RXFP2: variants seen among roughly 807,000 people sequenced by gnomAD.
RXFP2 encodes relaxin receptor 2.
Under a neutral mutation model 88.6 loss-of-function variants are expected in RXFP2, and 68 were observed. That is an observed-to-expected ratio of 0.77 (90% CI 0.63 to 0.94). The LOEUF (loss-of-function observed/expected upper bound fraction) is 0.94, where lower values mean the gene tolerates loss of function less well. RXFP2 is among the 40% of genes least tolerant of loss of function. The pLI, the probability that RXFP2 is intolerant of heterozygous loss-of-function variation, is 0.00. For synonymous variants in RXFP2, 329 were observed against 306.8 expected (o/e 1.07, Z -0.76); for missense variants, 791 against 893.9 (o/e 0.88, Z 1.47).
At chr13:31,776,088 CTTT>C (rs1458935554) in intron 7 of RXFP2, among the ~76,000 whole-genome samples, 37 of 76,092 alleles carry the variant, frequency 4.9e-4, no homozygotes, top group African/African-American at 1.7e-3. Context: ...TTCCTTCCTT[CTTT>C]CTTTCTTTTC....
intron 1 of RXFP2, among the ~76,000 whole-genome samples, chr13:31,743,090 T>C (rs1299981046): frequency 1.3e-5 from 2 of 152,338 alleles, no homozygotes; most frequent in East Asian, 3.9e-4. Context: ...GTCAATGTTG[T>C]TATCAGAAAA....
intron 6 of RXFP2, 66 bp downstream of exon 6, chr13:31,774,757 C>CT (rs1566227085): frequency 2.3e-6 from 2 of 886,242 alleles, no homozygotes; most frequent in Admixed American, 1.7e-5. Flanking sequence ...TAGAATGGTA[C>CT]TTTTTCAAGG....
intron 9 of RXFP2, among the ~76,000 whole-genome samples, chr13:31,781,125 A>T (rs971373682): frequency 6.6e-6 from 1 of 152,186 alleles, no homozygotes; most frequent in African/African-American, 2.4e-5. Flanking sequence ...AGACAAGAAC[A>T]TCTACCTGAT....
chr13:31,775,948 G>A (rs772744394), intron 7 of RXFP2, among the ~76,000 whole-genome samples: 1 of 152,184 alleles, frequency 6.6e-6, no homozygotes, highest in Non-Finnish European at 1.5e-5. Context: ...AGGTTGGCCT[G>A]GTCTAGTGGA....
chr13:31,785,891 A>G (rs1011798859), intron 11 of RXFP2, among the ~76,000 whole-genome samples: 14 of 152,224 alleles, frequency 9.2e-5, no homozygotes, highest in South Asian at 2.1e-4. Context: ...GTAGAAGAAC[A>G]TATTAAAAGC....
At chr13:31,792,526 T>C in intron 15 of RXFP2, 152 bp from the exon 16 acceptor site, 1 of 715,098 alleles carries the variant, frequency 1.4e-6, no homozygotes, top group Non-Finnish European at 2.4e-6. Flanking sequence ...ACTCGCTTCT[T>C]GGTACTCAGA....
At chr13:31,747,074 A>G (rs1871456988) in intron 1 of RXFP2, among the ~76,000 whole-genome samples, 1 of 152,204 alleles carries the variant, frequency 6.6e-6, no homozygotes, top group African/African-American at 2.4e-5. Flanking sequence ...TTACTGTAAT[A>G]ACTAAAGTTA....
Position 31,792,708 on chromosome 13 carries a change from T to C in RXFP2, c.1406T>C (p.Phe469Ser). The C allele has an allele frequency of 6.2e-7, 1 of 1,614,170 alleles. No homozygotes were observed. The highest frequency in any genetic ancestry group is 8.5e-7 in the Non-Finnish European group (1 of 1,180,020). Reference protein sequence around the residue: ...CADCLMGVYLFFVGIFDIKYR... With the variant: ...CADCLMGVYLSFVGIFDIKYR... Reference sequence around the variant, plus strand: ...GATTGCCTGATGGGTGTTTACTTGTTCTTTGTTGGCATTTTCGATATAAAA... The same window carrying C: ...GATTGCCTGATGGGTGTTTACTTGTCCTTTGTTGGCATTTTCGATATAAAA... Residue 469 changes from phenylalanine to serine, a missense_variant, in exon 16 of 18, where the codon TTC becomes TCC. Physicochemically the swap from Phe to Ser is radical, Grantham distance 155. Coordinates refer to ENST00000298386, the MANE Select transcript of RXFP2 (RefSeq NM_130806.5).
In RXFP2 at chr13:31,739,696, C is replaced by A; in HGVS notation, c.84C>A (p.Ile28=). Residue 28 remains isoleucine, a synonymous_variant, in exon 1 of 18, where the codon ATC becomes ATA. Coordinates refer to ENST00000298386, the MANE Select transcript of RXFP2 (RefSeq NM_130806.5). ...TTCTACTTCATTTCATCGTTCTGAT[C>A]AATGTCAAAGGTAAGGTTGCTACTT... ...MFFLLHFIVL[I]NVKDFALTQG... is the part of the protein sequence containing the mutation. The A allele has an allele frequency of 6.3e-7, 1 of 1,597,644 alleles. No homozygotes were observed. The highest frequency in any genetic ancestry group is 1.1e-5 in the South Asian group (1 of 90,686).
chr13:31,758,551 C>T, intron 2 of RXFP2, 147 bp downstream of exon 2: 1 of 885,606 alleles, frequency 1.1e-6, no homozygotes, highest in Non-Finnish European at 1.8e-6. Context: ...AATGACTCCC[C>T]AATGTATTTG....
intron 3 of RXFP2, among the ~76,000 whole-genome samples, chr13:31,764,090 A>T (rs1322493225): frequency 6.6e-6 from 1 of 152,190 alleles, no homozygotes; most frequent in East Asian, 1.9e-4. Flanking sequence ...ATTAAAATAA[A>T]TAACAAAATA....
intron 1 of RXFP2, among the ~76,000 whole-genome samples, chr13:31,743,425 G>A (rs1871288900): frequency 2.0e-5 from 3 of 151,466 alleles, no homozygotes; most frequent in African/African-American, 7.3e-5. Flanking sequence ...CCGAGACTGC[G>A]CCACTGTACT....
chr13:31,780,445 T>C (rs1873212595), intron 9 of RXFP2, among the ~76,000 whole-genome samples: 1 of 152,190 alleles, frequency 6.6e-6, no homozygotes, highest in Non-Finnish European at 1.5e-5. Flanking sequence ...TAGGAGAGTA[T>C]GGTGTTTGTT....
rs1346888051 is a variant in RXFP2 at position 31,778,378 on chromosome 13, T to C, written c.714-134T>C. The C allele has an allele frequency of 4.6e-6, 3 of 656,928 alleles. No homozygotes were observed. In the East Asian group the frequency reaches 8.3e-5, roughly 18 times the overall value. 40.7% of individuals were successfully genotyped at this position (656,928 alleles called of 1,614,324 possible). A position where few individuals can be genotyped will look rare whatever the true frequency, so the allele number is the denominator to read the frequency against. On this transcript the variant is annotated intron_variant, in intron 8 of 17. Coordinates refer to ENST00000298386, the MANE Select transcript of RXFP2 (RefSeq NM_130806.5). ...CATACACATGTTTTAAAGACCATTT[T>C]GAAATAGCTATATATGTTATCATCA... is the stretch of plus-strand genomic sequence containing the variant.
chr13:31,793,496 A>G (rs1873890809), intron 16 of RXFP2, among the ~76,000 whole-genome samples: 1 of 151,938 alleles, frequency 6.6e-6, no homozygotes, highest in African/African-American at 2.4e-5. Context: ...GGAAACTGAC[A>G]AGTAAGAGAT....
intron 1 of RXFP2, among the ~76,000 whole-genome samples, chr13:31,750,038 G>C (rs1464591407): frequency 1.3e-5 from 2 of 152,152 alleles, no homozygotes; most frequent in Admixed American, 6.5e-5. Flanking sequence ...AGTTTGCATA[G>C]TTATTTTAAA....
At chr13:31,768,379 T>A (rs369982888) in intron 5 of RXFP2, among the ~76,000 whole-genome samples, 3 of 152,334 alleles carry the variant, frequency 2.0e-5, no homozygotes, top group Admixed American at 6.5e-5. Context: ...TTGCTTACAG[T>A]CATCTACCAC....
At chr13:31,801,461 C>A (rs553671052) in intron 17 of RXFP2, among the ~76,000 whole-genome samples, 42 of 152,132 alleles carry the variant, frequency 2.8e-4, no homozygotes, top group African/African-American at 1.0e-3. Flanking sequence ...GCCACAGGAT[C>A]AGGCCACGTG....
chr13:31,755,279 TC>T (rs1403783610), intron 1 of RXFP2, among the ~76,000 whole-genome samples: 1 of 152,168 alleles, frequency 6.6e-6, no homozygotes, highest in African/African-American at 2.4e-5. Context: ...AGGCATGTGA[TC>T]CCTTCTCAAC....
Sources: gnomAD v4.1 joint callset for allele counts (sites outside exome capture counted in the v4.1 genomes callset) on GRCh38, gnomAD v4.1.1 for gene constraint, MANE v1.5 for transcripts, NCBI Gene and HGNC (gene_info 2026-07-23, HGNC 2026-07-21) for gene names.